ARHGEF6: variants seen among roughly 807,000 people sequenced by gnomAD.
The protein encoded by ARHGEF6 is rho guanine nucleotide exchange factor 6.
Under a neutral mutation model 70.3 loss-of-function variants are expected in ARHGEF6, and 9 were observed. That is an observed-to-expected ratio of 0.13 (90% CI 0.08 to 0.22). The LOEUF (loss-of-function observed/expected upper bound fraction) is 0.22, where lower values mean the gene tolerates loss of function less well. ARHGEF6 is among the 10% of genes least tolerant of loss of function. The pLI, the probability that ARHGEF6 is intolerant of heterozygous loss-of-function variation, is 1.00. For synonymous variants in ARHGEF6, 201 were observed against 207.8 expected (o/e 0.97, Z 0.28); for missense variants, 470 against 563.0 (o/e 0.83, Z 1.67).
At chrX:136,704,872 T>G (rs766155238) in intron 9 of ARHGEF6, among the ~76,000 whole-genome samples, 30 of 111,724 alleles carry the variant, frequency 2.7e-4, no homozygotes, top group Non-Finnish European at 5.3e-4. Flanking sequence ...AATCTCACCA[T>G]GAGAAACCAC....
intron 19 of ARHGEF6, among the ~76,000 whole-genome samples, chrX:136,674,740 T>TA (rs751466633): frequency 3.4e-4 from 38 of 111,434 alleles, no homozygotes; most frequent in Non-Finnish European, 6.4e-4. Context: ...AGAACAACTT[T>TA]AAAAAAAAAT....
At chrX:136,747,387 G>T in intron 3 of ARHGEF6, 121 bp downstream of exon 3, 1 of 607,296 alleles carries the variant, frequency 1.6e-6, no homozygotes, top group Admixed American at 2.5e-5. Flanking sequence ...TGTATTTGGG[G>T]GAGCAAGGGG....
At chrX:136,758,127 T>C (rs1439732862) in intron 2 of ARHGEF6, among the ~76,000 whole-genome samples, 4 of 86,226 alleles carry the variant, frequency 4.6e-5, no homozygotes, top group Non-Finnish European at 8.6e-5. Flanking sequence ...CTCGGCTCAC[T>C]ACAAGCTCCG....
At chrX:136,672,999 G>GC (rs747065737) in intron 19 of ARHGEF6, among the ~76,000 whole-genome samples, 32 of 112,049 alleles carry the variant, frequency 2.9e-4, no homozygotes, top group South Asian at 7.4e-4. Flanking sequence ...AATACAGGTG[G>GC]CCCCCCATAT....
At chrX:136,728,302 G>C (rs576514780) in intron 6 of ARHGEF6, among the ~76,000 whole-genome samples, 6 of 111,095 alleles carry the variant, frequency 5.4e-5, no homozygotes, top group African/African-American at 1.6e-4. Flanking sequence ...CCAAGTCTCA[G>C]TTACCCACAT....
intron 5 of ARHGEF6, among the ~76,000 whole-genome samples, chrX:136,740,849 A>G (rs963821107): frequency 8.9e-6 from 1 of 111,879 alleles, no homozygotes; most frequent in Non-Finnish European, 1.9e-5. Context: ...TGTTAGAGTG[A>G]ACCTGGAAAA....
chrX:136,736,618 GGTGTGTGT>G (rs1556295145), intron 5 of ARHGEF6, among the ~76,000 whole-genome samples: 1 of 103,708 alleles, frequency 9.6e-6, no homozygotes, highest in South Asian at 4.2e-4. Flanking sequence ...GTTAAAAAGA[GGTGTGTGT>G]GTGTGTGTGT....
At chrX:136,714,012 T>A (rs902069464) in intron 6 of ARHGEF6, among the ~76,000 whole-genome samples, 12 of 112,096 alleles carry the variant, frequency 1.1e-4, no homozygotes, top group African/African-American at 3.9e-4. Flanking sequence ...GAACAAAATC[T>A]GAGGATACAG....
chrX:136,732,239 G>T, intron 5 of ARHGEF6, 67 bp from the exon 6 acceptor site: 1 of 818,591 alleles, frequency 1.2e-6, no homozygotes, highest in Non-Finnish European at 1.8e-6. Flanking sequence ...TATAACATGG[G>T]TCAACTAACA....
intron 13 of ARHGEF6, among the ~76,000 whole-genome samples, chrX:136,682,291 A>AT: frequency 8.9e-6 from 1 of 112,498 alleles, no homozygotes; most frequent in South Asian, 3.7e-4. Flanking sequence ...TGCCAGGCCA[A>AT]GATGGAACAG....
chrX:136,755,928 G>T (rs1008990600), intron 2 of ARHGEF6, among the ~76,000 whole-genome samples: 6 of 111,507 alleles, frequency 5.4e-5, no homozygotes, highest in African/African-American at 2.0e-4. Flanking sequence ...AGGATGCTCT[G>T]TCAGAGAGAC....
At chrX:136,682,899 G>A in intron 12 of ARHGEF6, 55 bp from the exon 13 acceptor site, 2 of 956,765 alleles carry the variant, frequency 2.1e-6, no homozygotes, top group Non-Finnish European at 3.0e-6. Flanking sequence ...TTTATCTGTT[G>A]AGAATTTCTG....
chrX:136,671,979 C>A (rs2148565984), intron 20 of ARHGEF6, 41 bp downstream of exon 20: 1 of 1,097,063 alleles, frequency 9.1e-7, no homozygotes, highest in East Asian at 3.0e-5. Flanking sequence ...TTCTTGCCAG[C>A]CCCAAGAGAA....
At chrX:136,700,221 T>G (rs1431333607) in intron 9 of ARHGEF6, among the ~76,000 whole-genome samples, 1 of 109,363 alleles carries the variant, frequency 9.1e-6, no homozygotes, top group Non-Finnish European at 1.9e-5. Context: ...TAAGAAGGAG[T>G]TCTTAAGAAA....
chrX:136,768,113 A>G (rs1439288715), intron 2 of ARHGEF6, among the ~76,000 whole-genome samples: 1 of 110,835 alleles, frequency 9.0e-6, no homozygotes, highest in East Asian at 2.8e-4. Flanking sequence ...CCGCTGAGAC[A>G]CCCGAGAAGC....
At chrX:136,751,397 T>C (rs1421712346) in intron 2 of ARHGEF6, among the ~76,000 whole-genome samples, 2 of 112,193 alleles carry the variant, frequency 1.8e-5, no homozygotes, top group East Asian at 5.6e-4. Flanking sequence ...GAGAATAAAC[T>C]TTCCCAACTC....
intron 6 of ARHGEF6, among the ~76,000 whole-genome samples, chrX:136,724,546 A>C (rs1255087081): frequency 9.0e-6 from 1 of 111,520 alleles, no homozygotes; most frequent in Non-Finnish European, 1.9e-5. Flanking sequence ...GGAGGAGTGC[A>C]GTGGTGCTAT....
rs1207081844 is a variant in ARHGEF6, at chrX:136,779,469, T to A, written c.194A>T (p.Asp65Val). ...KFCLDPQTEADCINNINDFLK... is the reference protein window; with the variant it reads ...KFCLDPQTEAVCINNINDFLK... ...GAAGTCATTGATGTTGTTGATGCAGTCAGCTTCAGTTTGGGGATCCAGACA... is the reference window on the plus strand; with the variant it reads ...GAAGTCATTGATGTTGTTGATGCAGACAGCTTCAGTTTGGGGATCCAGACA... Residue 65 changes from aspartate to valine, a missense_variant, in exon 2 of 22, where the codon GAC becomes GTC. Coordinates refer to ENST00000250617, the MANE Select transcript of ARHGEF6 (RefSeq NM_004840.3). 1 of 1,209,396 alleles carries A rather than the reference T, an allele frequency of 8.3e-7. No individual in the cohort carries two copies. Among genetic ancestry groups the A allele is most frequent in the Non-Finnish European group, 1.1e-6 (1 of 894,813 alleles).
intron 6 of ARHGEF6, among the ~76,000 whole-genome samples, chrX:136,717,677 G>A (rs1403555887): frequency 9.0e-6 from 1 of 111,731 alleles, no homozygotes; most frequent in Non-Finnish European, 1.9e-5. Flanking sequence ...GTATTTATGT[G>A]TAAGTAAAAT....
Sources: gnomAD v4.1 joint callset for allele counts (sites outside exome capture counted in the v4.1 genomes callset) on GRCh38, gnomAD v4.1.1 for gene constraint, MANE v1.5 for transcripts, NCBI Gene and HGNC (gene_info 2026-07-23, HGNC 2026-07-21) for gene names.